Variants in DENND5B observed in about 807,000 individuals in gnomAD.
DENND5B encodes the protein DENN domain containing 5B.
DENND5B carries 34 observed loss-of-function variants against 140.6 expected under a neutral mutation model. That is an observed-to-expected ratio of 0.24 (90% CI 0.18 to 0.32). The LOEUF (loss-of-function observed/expected upper bound fraction) is 0.32, where lower values mean the gene tolerates loss of function less well. Ranked by LOEUF, DENND5B falls within the 10% of genes least tolerant of loss-of-function variation. DENND5B has a pLI of 1.00. For synonymous variants in DENND5B, 551 were observed against 562.1 expected (o/e 0.98, Z 0.28); for missense variants, 1,142 against 1,560.2 (o/e 0.73, Z 4.52).
At chr12:31,542,796 A>G (rs551161965) in intron 1 of DENND5B, among the ~76,000 whole-genome samples, 1 of 152,246 alleles carries the variant, frequency 6.6e-6, no homozygotes, top group East Asian at 1.9e-4. Context: ...TCTCTATGAA[A>G]AAATATAAAA....
At chr12:31,535,352 A>G in intron 1 of DENND5B, 1 of 158,740 alleles carries the variant, frequency 6.3e-6, no homozygotes, top group Non-Finnish European at 1.4e-5. Flanking sequence ...CACAGGGGTG[A>G]CTCTGTCACC....
chr12:31,505,259 GAC>G (rs1947154524), intron 1 of DENND5B, among the ~76,000 whole-genome samples: 1 of 130,924 alleles, frequency 7.6e-6, no homozygotes, highest in Non-Finnish European at 1.6e-5. Context: ...TTTTTTTTGA[GAC>G]AGAGTCTTAC....
At chr12:31,586,924 C>A (rs1276195120) in intron 1 of DENND5B, among the ~76,000 whole-genome samples, 1 of 152,174 alleles carries the variant, frequency 6.6e-6, no homozygotes, top group African/African-American at 2.4e-5. Flanking sequence ...GGCTAATTTG[C>A]CTAACACAGT....
chr12:31,455,692 C>A (rs765915945), intron 4 of DENND5B, among the ~76,000 whole-genome samples: 6 of 152,270 alleles, frequency 3.9e-5, no homozygotes, highest in Admixed American at 2.0e-4. Context: ...ACACTGCTCA[C>A]AAGCCTTCAT....
At chr12:31,532,706 A>ATTCCCCC (rs1948330157) in intron 1 of DENND5B, among the ~76,000 whole-genome samples, 1 of 152,184 alleles carries the variant, frequency 6.6e-6, no homozygotes, top group African/African-American at 2.4e-5. Flanking sequence ...GGAATTGGGA[A>ATTCCCCC]AAATAAAGTA....
chr12:31,513,002 C>T (rs1198666685), intron 1 of DENND5B, among the ~76,000 whole-genome samples: 1 of 152,160 alleles, frequency 6.6e-6, no homozygotes, highest in African/African-American at 2.4e-5. Flanking sequence ...CAAAATACCA[C>T]ATTAGAGCAG....
chr12:31,550,776 A>G (rs1421915954), intron 1 of DENND5B, among the ~76,000 whole-genome samples: 1 of 152,162 alleles, frequency 6.6e-6, no homozygotes, highest in Admixed American at 6.5e-5. Flanking sequence ...GTGAGATGGT[A>G]TCTCATTGCG....
At chr12:31,394,567 A>G (rs921215276) in intron 17 of DENND5B, among the ~76,000 whole-genome samples, 1 of 152,046 alleles carries the variant, frequency 6.6e-6, no homozygotes, top group African/African-American at 2.4e-5. Context: ...CCACCACCAC[A>G]ATCATGATAC....
intron 1 of DENND5B, among the ~76,000 whole-genome samples, chr12:31,540,608 T>C (rs949210098): frequency 6.6e-6 from 1 of 151,722 alleles, no homozygotes; most frequent in African/African-American, 2.4e-5. Flanking sequence ...GAGCCAAGAC[T>C]GTGCCACTGC....
chr12:31,472,325 C>A (rs1442718664), intron 3 of DENND5B, among the ~76,000 whole-genome samples: 2 of 152,060 alleles, frequency 1.3e-5, no homozygotes, highest in Non-Finnish European at 2.9e-5. Flanking sequence ...GGAGTCTTGC[C>A]CTGTCTCCCA....
chr12:31,530,310 T>C, intron 1 of DENND5B, among the ~76,000 whole-genome samples: 1 of 152,062 alleles, frequency 6.6e-6, no homozygotes, highest in African/African-American at 2.4e-5. Context: ...GAGGTGGAGG[T>C]TGCAGTGAGC....
At chr12:31,427,293 CT>C (rs1943283822) in intron 8 of DENND5B, among the ~76,000 whole-genome samples, 1 of 152,044 alleles carries the variant, frequency 6.6e-6, no homozygotes, top group African/African-American at 2.4e-5. Context: ...TCTCTCTCTT[CT>C]TTCTATGCTG....
At chr12:31,451,729 G>T in intron 5 of DENND5B, 1 of 562,274 alleles carries the variant, frequency 1.8e-6, no homozygotes, top group Middle Eastern at 4.8e-4. Flanking sequence ...TGGTTTATTT[G>T]CTTGTAAAAT....
chr12:31,484,348 A>G (rs1314481113), intron 2 of DENND5B, among the ~76,000 whole-genome samples: 3 of 152,136 alleles, frequency 2.0e-5, no homozygotes, highest in Non-Finnish European at 4.4e-5. Context: ...ACAATGATCA[A>G]TTGAGAGTAA....
chr12:31,540,184 T>G (rs1194890533), intron 1 of DENND5B, among the ~76,000 whole-genome samples: 1 of 151,972 alleles, frequency 6.6e-6, no homozygotes, highest in East Asian at 1.9e-4. Context: ...GTCCCTACAA[T>G]GAAAACTAAA....
intron 5 of DENND5B, among the ~76,000 whole-genome samples, chr12:31,448,002 T>A (rs1438234940): frequency 2.0e-5 from 3 of 152,196 alleles, no homozygotes; most frequent in Non-Finnish European, 2.9e-5. Context: ...TACATTCTGA[T>A]CCTTATGACC....
At chr12:31,489,569 T>C (rs769463953) in intron 2 of DENND5B, among the ~76,000 whole-genome samples, 3 of 152,186 alleles carry the variant, frequency 2.0e-5, no homozygotes, top group Non-Finnish European at 4.4e-5. Flanking sequence ...AAGAGAAGTA[T>C]TGTAAGCAAG....
intron 5 of DENND5B, among the ~76,000 whole-genome samples, chr12:31,450,443 T>A (rs1944464406): frequency 6.6e-6 from 1 of 152,178 alleles, no homozygotes; most frequent in Admixed American, 6.5e-5. Context: ...CACTGCAGCC[T>A]CAACTTCTGA....
chr12:31,416,915 T>A (rs78725272), intron 11 of DENND5B, among the ~76,000 whole-genome samples: 3 of 140,910 alleles, frequency 2.1e-5, no homozygotes, highest in East Asian at 2.0e-4. Context: ...TTTTTTTTTT[T>A]AATTAGCTTT....
Sources: allele counts gnomAD v4.1 joint callset (sites outside exome capture counted in the v4.1 genomes callset), GRCh38; gene constraint gnomAD v4.1.1; transcripts MANE v1.5; gene names NCBI Gene and HGNC (gene_info 2026-07-23, HGNC 2026-07-21).